PSPC1: variants seen among roughly 807,000 people sequenced by gnomAD.
PSPC1 encodes the protein paraspeckle component 1, also known as paraspeckle protein 1.
A neutral mutation model predicts 51.6 loss-of-function variants in PSPC1; 14 were observed. The observed-to-expected ratio is 0.27, with a 90% CI of 0.18 to 0.42. PSPC1 has a LOEUF of 0.42. Ranked by LOEUF, PSPC1 falls within the 10% of genes least tolerant of loss-of-function variation. The pLI is 1.00. For missense variants in PSPC1, 406 were observed against 701.1 expected (o/e 0.58, Z 4.75); for synonymous variants, 193 against 231.9 (o/e 0.83, Z 1.53).
chr13:19,729,588 T>C (rs939473095), intron 6 of PSPC1, among the ~76,000 whole-genome samples: 1 of 150,202 alleles, frequency 6.7e-6, no homozygotes, highest in Non-Finnish European at 1.5e-5. Flanking sequence ...AGAAAACCTA[T>C]AGACTAAAAG....
At chr13:19,674,058 G>A (rs1876340556), downstream of PSPC1, among the ~76,000 whole-genome samples, 1 of 152,200 alleles carries the variant, frequency 6.6e-6, no homozygotes, top group East Asian at 1.9e-4. Flanking sequence ...GTGATCTCAG[G>A]ACTAAGATCA....
chr13:19,721,823 A>G (rs1030666379), intron 6 of PSPC1, among the ~76,000 whole-genome samples: 2 of 152,196 alleles, frequency 1.3e-5, no homozygotes, highest in Non-Finnish European at 2.9e-5. Flanking sequence ...AGCAAAAAAA[A>G]ATTGTTTCTT....
At chr13:19,699,802 A>G (rs201585852), downstream of PSPC1, among the ~76,000 whole-genome samples, 1 of 152,004 alleles carries the variant, frequency 6.6e-6, no homozygotes, top group East Asian at 1.9e-4. Flanking sequence ...ATGTATATGG[A>G]TATTTACTGC....
chr13:19,764,663 G>A (rs1308057097), intron 2 of PSPC1, among the ~76,000 whole-genome samples: 2 of 126,832 alleles, frequency 1.6e-5, no homozygotes, highest in Non-Finnish European at 3.2e-5. Flanking sequence ...TCCAACCTGG[G>A]TAAGAGCAGA....
Position 19,782,639 on chromosome 13 carries a change from G to T in PSPC1, c.119C>A (p.Ala40Asp), listed in dbSNP as rs770325955. 6.4e-7 allele frequency: 1 copy of T among 1,567,106 alleles called. No homozygotes were observed. The stretch of plus-strand genomic sequence containing the variant: ...GGGCGGTGCCGGCTCCCCGGCAAGA[G>T]CGAGCGCCATGGCTGCCGCGGCCGC... ...EPAAAAAMAL[A>D]LAGEPAPPAP... Residue 40 changes from alanine (A) to aspartate (D), a missense_variant, in exon 1 of 9, where the codon GCT becomes GAT. This residue lies in a region of PSPC1 where 128 missense variants were observed against 107.1 expected (regional missense o/e 1.20). Coordinates refer to ENST00000338910, the MANE Select transcript of PSPC1 (RefSeq NM_001354909.2). This position sits in a 1 kb window ranked among gnomAD's most constrained non-coding sequence, Gnocchi z 4.5.
Position 19,751,455 on chromosome 13 carries a change from T to C in PSPC1, c.783A>G (p.Gln261=), listed in dbSNP as rs770852722. The C allele has an allele frequency of 7.3e-6, 11 of 1,506,282 alleles. No individual in the cohort carries two copies. In the East Asian group the frequency reaches 1.4e-4, roughly 20 times the overall value. 93.3% of individuals were successfully genotyped at this position (1,506,282 alleles called of 1,614,324 possible). Residue 261 remains glutamine (Q), a synonymous_variant, in exon 4 of 9, where the codon CAA becomes CAG. Coordinates refer to ENST00000338910, the MANE Select transcript of PSPC1 (RefSeq NM_001354909.2). ...KTQQYHKERE[Q]PPRFAQPGTF... ...TCCCAGGTTGAGCAAAACGTGGTGG[T>C]TGTTCTCTTTCCCTAAATTAACATT...
Position 19,688,107 on chromosome 13 carries a change from G to A in PSPC1, c.1159-10284C>T, listed in dbSNP as rs548271710. Among the ~76,000 whole-genome samples, 12 of 151,986 alleles carry A rather than the reference G, an allele frequency of 7.9e-5. No homozygotes were observed. In the South Asian group the frequency reaches 2.5e-3, roughly 32 times the overall value. ...TAAGATAGATACTACTTCCCCTTTT[G>A]TTCTGAATGGTCGTCTAATGCTCCC... On this transcript the variant is annotated intron_variant and NMD_transcript_variant, in intron 6 of 7. Transcript: ENST00000471658.
chr13:19,713,808 C>T (rs1465247127), intron 6 of PSPC1, among the ~76,000 whole-genome samples: 1 of 152,118 alleles, frequency 6.6e-6, no homozygotes, highest in African/African-American at 2.4e-5. Context: ...TCATGGAGTA[C>T]ACTAAGAGTC....
intron 6 of PSPC1, among the ~76,000 whole-genome samples, chr13:19,716,036 A>T (rs937583378): frequency 4.6e-5 from 7 of 152,150 alleles, no homozygotes; most frequent in Admixed American, 2.0e-4. Context: ...AATAAAAAAT[A>T]AAAAAATTAA....
At chr13:19,706,269 G>C (rs1401916673) in intron 7 of PSPC1, among the ~76,000 whole-genome samples, 2 of 150,854 alleles carry the variant, frequency 1.3e-5, no homozygotes, top group African/African-American at 4.9e-5. Flanking sequence ...GCTAAGTTGT[G>C]AGAGAGGAAA....
At chr13:19,682,486 C>CAAAAAAAAAAAAAA (rs138769031) in intron 6 of PSPC1, among the ~76,000 whole-genome samples, 2 of 98,630 alleles carry the variant, frequency 2.0e-5, no homozygotes, top group Non-Finnish European at 2.0e-5. Flanking sequence ...GGCTGAATGG[C>CAAAAAAAAAAAAAA]AAAAAAAAAA....
At chr13:19,713,375 A>C (rs1328996836) in intron 6 of PSPC1, among the ~76,000 whole-genome samples, 1 of 152,052 alleles carries the variant, frequency 6.6e-6, no homozygotes, top group Admixed American at 6.6e-5. Flanking sequence ...TTTTAGACAT[A>C]ATGAAACTGA....
chr13:19,744,117 A>G (rs1192825277), intron 4 of PSPC1, among the ~76,000 whole-genome samples: 1 of 152,088 alleles, frequency 6.6e-6, no homozygotes, highest in Non-Finnish European at 1.5e-5. Flanking sequence ...TCAAAAACAA[A>G]AAAATTACTT....
At position 19,747,894 on chromosome 13, in the gene PSPC1, T is replaced by C. The variant is rs182330579; in HGVS notation, c.967+3377A>G. On this transcript the variant is annotated intron_variant, in intron 4 of 8. Transcript: ENST00000338910. Reference sequence around the variant, plus strand: ...AATTACAGTCTCTCCTCAACCTGAATACATCCTTAGAAATGCTGGATGAAA... The same window carrying C: ...AATTACAGTCTCTCCTCAACCTGAACACATCCTTAGAAATGCTGGATGAAA... Among the ~76,000 whole-genome samples, 194 of 152,302 alleles carry C rather than the reference T, an allele frequency of 1.3e-3. 1 individual carries two copies. Among genetic ancestry groups the C allele is most frequent in the Non-Finnish European group, 2.4e-3 (162 of 68,022 alleles).
chr13:19,720,366 T>A (rs1459215666), intron 6 of PSPC1, among the ~76,000 whole-genome samples: 1 of 152,120 alleles, frequency 6.6e-6, no homozygotes, highest in African/African-American at 2.4e-5. Flanking sequence ...AGTTCCAAAT[T>A]GGTCCCGTCA....
downstream of PSPC1, among the ~76,000 whole-genome samples, chr13:19,697,909 AAAT>A (rs1191685587): frequency 1.3e-5 from 2 of 152,168 alleles, no homozygotes; most frequent in Non-Finnish European, 2.9e-5. Context: ...TTCACGTAAT[AAAT>A]AATACAAATA....
In PSPC1 at chr13:19,745,567, C is replaced by A. The variant is rs144619045; in HGVS notation, c.968-3918G>T. On this transcript the variant is annotated intron_variant, in intron 4 of 8. Transcript: ENST00000338910. Reference sequence around the variant, plus strand: ...TAAAAATACTAGTCTCTTTATTTTTCTTTCAGTTTTTATTTTACCGCTGAT... The same window carrying A: ...TAAAAATACTAGTCTCTTTATTTTTATTTCAGTTTTTATTTTACCGCTGAT... Among the ~76,000 whole-genome samples, 1,467 of 151,710 alleles carry A rather than the reference C, an allele frequency of 9.7e-3. 23 individuals are homozygous for A. Among genetic ancestry groups the A allele is most frequent in the African/African-American group, 0.032 (1,313 of 41,412 alleles).
chr13:19,685,868 T>G (rs1220069171), intron 6 of PSPC1, among the ~76,000 whole-genome samples: 1 of 152,232 alleles, frequency 6.6e-6, no homozygotes, highest in East Asian at 1.9e-4. Context: ...AGCTGTGGGT[T>G]CCACAGACAA....
chr13:19,782,020 C>T lies in PSPC1; in HGVS notation c.372+366G>A, dbSNP rs7333482. Among the ~76,000 whole-genome samples, 4,820 of 152,334 alleles carry T rather than the reference C, an allele frequency of 0.032. 89 individuals carry two copies. The highest frequency in any genetic ancestry group is 0.075 in the Middle Eastern group (22 of 294). ...TCTCACCCCAAAACGCTGCCCGCCC[C>T]TGTCCCCGGACCCTTTCGGTACCCG... On this transcript the variant is annotated intron_variant, in intron 1 of 8. Coordinates refer to ENST00000338910, the MANE Select transcript of PSPC1 (RefSeq NM_001354909.2). This position sits in a 1 kb window ranked among gnomAD's most constrained non-coding sequence, Gnocchi z 4.5.
Sources: allele counts gnomAD v4.1 joint callset (sites outside exome capture counted in the v4.1 genomes callset), GRCh38; gene constraint gnomAD v4.1.1; regional missense constraint gnomAD v4.1.1; non-coding constraint Gnocchi (gnomAD v3.1); transcripts MANE v1.5; gene names NCBI Gene and HGNC (gene_info 2026-07-23, HGNC 2026-07-21).